The following PCDHGA2 variants were observed in gnomAD, a reference collection of about 807,000 sequenced individuals.
PCDHGA2 encodes protocadherin gamma subfamily A, 2.
Under a neutral mutation model 59.2 loss-of-function variants are expected in PCDHGA2, and 40 were observed. The observed-to-expected ratio is 0.68, with a 90% CI of 0.52 to 0.88. The LOEUF is 0.88. Ranked by LOEUF, PCDHGA2 falls within the 40% of genes least tolerant of loss-of-function variation. PCDHGA2 has a pLI of 0.00. For synonymous variants in PCDHGA2, 560 were observed against 526.0 expected (o/e 1.06, Z -0.89); for missense variants, 1,226 against 1,204.0 (o/e 1.02, Z -0.27).
At chr5:141,405,363 C>A (rs765508317) in intron 1 of PCDHGA2, 3 of 1,613,808 alleles carry the variant, frequency 1.9e-6, no homozygotes, top group South Asian at 1.1e-5. Context: ...ATAGAAGACA[C>A]CCCTTTGGTT....
At chr5:141,424,959 C>A (rs1561817087) in intron 1 of PCDHGA2, among the ~76,000 whole-genome samples, 4 of 152,152 alleles carry the variant, frequency 2.6e-5, no homozygotes, top group Non-Finnish European at 5.9e-5. Flanking sequence ...TAGGTATTTG[C>A]CCCAAATTAC....
chr5:141,341,184 C>T lies in PCDHGA2; in HGVS notation c.2213C>T (p.Ser738Leu). 1 of 1,614,228 alleles carries T rather than the reference C, an allele frequency of 6.2e-7. No homozygotes were observed. Among genetic ancestry groups the T allele is most frequent in the Non-Finnish European group, 8.5e-7 (1 of 1,180,042 alleles). ...SGGSLTGMQS[S>L]HFVGVDGVRA... ...GGCAGCTTGACAGGCATGCAGAGCT[C>T]GCACTTTGTGGGCGTGGACGGGGTT... Residue 738 changes from serine to leucine, a missense_variant, in exon 1 of 4, where the codon TCG (serine) becomes TTG (leucine). Coordinates refer to ENST00000394576, the MANE Select transcript of PCDHGA2 (RefSeq NM_018915.4).
At chr5:141,441,797 G>T in intron 1 of PCDHGA2, 1 of 386,536 alleles carries the variant, frequency 2.6e-6, no homozygotes, top group Non-Finnish European at 5.2e-6. Context: ...ACAACGCACC[G>T]CGGGTGCTGT....
chr5:141,344,515 A>T (rs1757429133), intron 1 of PCDHGA2: 5 of 1,614,020 alleles, frequency 3.1e-6, no homozygotes, highest in Non-Finnish European at 3.4e-6. Flanking sequence ...TTTGACCCAG[A>T]TGTAGGCATT....
chr5:141,365,797 C>T (rs376466748), intron 1 of PCDHGA2: 1 of 1,613,978 alleles, frequency 6.2e-7, no homozygotes, highest in Non-Finnish European at 8.5e-7. Context: ...GAGTCACCTA[C>T]TCCCTGGCTG....
At chr5:141,410,404 G>A (rs79498912) in intron 1 of PCDHGA2, 32,650 of 1,614,014 alleles carry the variant, frequency 0.02, 588 homozygotes, top group African/African-American at 0.088. Context: ...TCTGTGTCAA[G>A]TCTGGACCTG....
In PCDHGA2 at chr5:141,432,122, G is replaced by C; in HGVS notation, c.2425-62685G>C. On this transcript the variant is annotated intron_variant, in intron 1 of 3. Transcript: ENST00000394576. This position sits in a 1 kb window ranked among gnomAD's most constrained non-coding sequence, Gnocchi z 6.0. ...CGACAACCCGCCGGTCTTCCCTCAG[G>C]CCTCCTATTCCGCTTATATCCCAGA... 6.2e-7 allele frequency: 1 copy of C among 1,614,052 alleles called. No homozygotes were observed. Among genetic ancestry groups the C allele is most frequent in the Non-Finnish European group, 8.5e-7 (1 of 1,180,022 alleles).
chr5:141,472,254 T>C (rs1031738513), intron 1 of PCDHGA2, among the ~76,000 whole-genome samples: 1 of 152,074 alleles, frequency 6.6e-6, no homozygotes, highest in Admixed American at 6.6e-5. Context: ...TTTAAAGTTA[T>C]ATTATAGCCG....
intron 1 of PCDHGA2, chr5:141,372,478 C>T (rs548499010): frequency 6.2e-7 from 1 of 1,614,068 alleles, no homozygotes; most frequent in South Asian, 1.1e-5. Context: ...CTAGTAGTGG[C>T]GTTGGCCTTG....
At chr5:141,383,962 T>C in intron 1 of PCDHGA2, 2 of 1,613,460 alleles carry the variant, frequency 1.2e-6, no homozygotes, top group Non-Finnish European at 1.7e-6. Flanking sequence ...TTTAAGTAGC[T>C]CAATCCCTGA....
intron 1 of PCDHGA2, chr5:141,371,847 G>C: frequency 6.2e-7 from 1 of 1,613,670 alleles, no homozygotes; most frequent in Non-Finnish European, 8.5e-7. Flanking sequence ...GGGACCTAAT[G>C]GCCTTGTCTC....
chr5:141,493,694 G>A lies in PCDHGA2; in HGVS notation c.2425-1113G>A, dbSNP rs929897875. On this transcript the variant is annotated intron_variant, in intron 1 of 3. Transcript: ENST00000394576. This position sits in a 1 kb window ranked among gnomAD's most constrained non-coding sequence, Gnocchi z 4.3. ...CCCCAGAATGGTGCTGGTGACTCCC[G>A]ATACACCTGGAATGCTAGGTTTCTG... Among the ~76,000 whole-genome samples the A allele has an allele frequency of 5.9e-5, 9 of 152,130 alleles. No individual in the cohort carries two copies. Among genetic ancestry groups the A allele is most frequent in the African/African-American group, 9.7e-5 (4 of 41,404 alleles).
Position 141,422,343 on chromosome 5 carries a change from G to T in PCDHGA2, c.2425-72464G>T, listed in dbSNP as rs764862139. ...GTACAGTGATTGCTCTTCTAAATGT[G>T]CAAGATCAAGATTCTGGAGAAAATG... On this transcript the variant is annotated intron_variant, in intron 1 of 3. Transcript: ENST00000394576. 1.9e-6 allele frequency: 3 copies of T among 1,551,388 alleles called. No individual in the cohort carries two copies. The East Asian group carries it at 6.7e-5, about 35-fold the overall frequency.
At chr5:141,480,240 CAAA>C (rs11374694) in intron 1 of PCDHGA2, among the ~76,000 whole-genome samples, 1 of 114,046 alleles carries the variant, frequency 8.8e-6, no homozygotes, top group African/African-American at 3.3e-5. Flanking sequence ...CCTGTCTCTA[CAAA>C]AAAAAAAAAA....
chr5:141,385,126 A>G lies in PCDHGA2; in HGVS notation c.2424+43731A>G. The G allele has an allele frequency of 6.2e-7, 1 of 1,614,206 alleles. No individual in the cohort carries two copies. The highest frequency in any genetic ancestry group is 1.1e-5 in the South Asian group (1 of 91,090). On this transcript the variant is annotated intron_variant, in intron 1 of 3. Coordinates refer to ENST00000394576, the MANE Select transcript of PCDHGA2 (RefSeq NM_018915.4). Reference sequence around the variant, plus strand: ...CGTGCCCACCTCGCACTTTGTGGGCATGGACGGGGTGCAGGCTTTCCTGCA... The same window carrying G: ...CGTGCCCACCTCGCACTTTGTGGGCGTGGACGGGGTGCAGGCTTTCCTGCA...
At chr5:141,374,245 G>A (rs1460959579) in intron 1 of PCDHGA2, 2 of 1,613,980 alleles carry the variant, frequency 1.2e-6, no homozygotes, top group Non-Finnish European at 1.7e-6. Context: ...ATCTGGGACT[G>A]GAGCCCCAGG....
intron 1 of PCDHGA2, chr5:141,385,331 C>T (rs1235160402): frequency 6.3e-7 from 1 of 1,585,046 alleles, no homozygotes; most frequent in African/African-American, 1.4e-5. Flanking sequence ...CAGGTGAGCC[C>T]AGCCCTTCCT....
At chr5:141,478,283 T>C (rs755297808) in intron 1 of PCDHGA2, 2 of 1,614,148 alleles carry the variant, frequency 1.2e-6, no homozygotes, top group South Asian at 2.2e-5. Context: ...GTGGAAGCAG[T>C]CTAGAGACCT....
chr5:141,375,903 G>A lies in PCDHGA2; in HGVS notation c.2424+34508G>A, dbSNP rs535123838. ...GGCCAGAACGCCTGGCTGTCCTACC[G>A]CCTGCTCAAGGCCAGCGAGCCAGGA... On this transcript the variant is annotated intron_variant, in intron 1 of 3. Transcript: ENST00000394576. 54 of 1,613,696 alleles carry A rather than the reference G, an allele frequency of 3.3e-5. No individual in the cohort carries two copies. In the South Asian group the frequency reaches 5.6e-4, roughly 17 times the overall value.
Sources: gnomAD v4.1 joint callset for allele counts (sites outside exome capture counted in the v4.1 genomes callset) on GRCh38, gnomAD v4.1.1 for gene constraint, Gnocchi (gnomAD v3.1) non-coding constraint, MANE v1.5 for transcripts, NCBI Gene and HGNC (gene_info 2026-07-23, HGNC 2026-07-21) for gene names.